GBP3: variants seen among roughly 807,000 people sequenced by gnomAD.
The protein encoded by GBP3 is guanylate binding protein 3.
In GBP3, 55 loss-of-function variants were observed where a neutral mutation model predicts 62.4. That is an observed-to-expected ratio of 0.88 (90% CI 0.71 to 1.10). The LOEUF is 1.10. Ranked by LOEUF, GBP3 falls within the 50% of genes least tolerant of loss-of-function variation. The pLI is 0.00. For synonymous variants in GBP3, 208 were observed against 259.2 expected, an observed-to-expected ratio of 0.80 and a Z score of 1.90; for missense variants, 605 against 690.6, an observed-to-expected ratio of 0.88 and a Z score of 1.39.
chr1:89,014,194 A>G lies in GBP3; in HGVS notation c.514T>C (p.Phe172Leu). 6.2e-7 allele frequency: 1 copy of G among 1,614,234 alleles called. No homozygotes were observed. Among genetic ancestry groups the G allele is most frequent in the Non-Finnish European group, 8.5e-7 (1 of 1,180,038 alleles). Residue 172 changes from phenylalanine (F) to leucine (L), a missense_variant, in exon 5 of 11, where the codon TTC (phenylalanine) becomes CTC (leucine). Around this residue, in one of 3 missense-constraint regions of GBP3, gnomAD observed 308 missense variants for 318.0 expected, o/e 0.97. Transcript: ENST00000370481. The part of the protein sequence containing the change: ...ENEDSADFVS[F>L]FPDFVWTLRD... ...AGTGTCCACACAAAATCTGGGAAGAAGCTCACAAAGTCAGCTGAATCCTCA... is the reference window on the plus strand; with the variant it reads ...AGTGTCCACACAAAATCTGGGAAGAGGCTCACAAAGTCAGCTGAATCCTCA...
chr1:89,015,326 T>A lies in GBP3; in HGVS notation c.279A>T (p.Leu93Phe), dbSNP rs745962756. 1.2e-6 allele frequency: 2 copies of A among 1,613,540 alleles called. No individual in the cohort carries two copies. Among genetic ancestry groups the A allele is most frequent in the Non-Finnish European group, 1.7e-6 (2 of 1,179,748 alleles). Residue 93 changes from leucine to phenylalanine, a missense_variant, in exon 3 of 11, where the codon TTA (leucine) becomes TTT (phenylalanine). This residue lies in a region of GBP3 where 308 missense variants were observed against 318.0 expected (regional missense o/e 0.97). Coordinates refer to ENST00000370481, the MANE Select transcript of GBP3 (RefSeq NM_018284.3). ...VPHPKKPEHT[L>F]VLLDTEGLGD... ...CCAGGCCCTCAGTGTCAAGCAGGAC[T>A]AAGGTGTGTTCTGGCTTTTTGGGGT... is the stretch of plus-strand genomic sequence containing the variant.
intron 1 of GBP3, among the ~76,000 whole-genome samples, chr1:89,022,362 C>T (rs1679291088): frequency 6.6e-6 from 1 of 152,166 alleles, no homozygotes; most frequent in Non-Finnish European, 1.5e-5. Flanking sequence ...TAATCATGTC[C>T]CTAGTCAACA....
At chr1:89,016,636 G>A (rs1346326708) in intron 2 of GBP3, among the ~76,000 whole-genome samples, 2 of 151,926 alleles carry the variant, frequency 1.3e-5, no homozygotes, top group African/African-American at 2.4e-5. Context: ...AGGCTAGACT[G>A]TGATCACTGA....
chr1:89,014,056 C>T (rs377188594), intron 5 of GBP3, 27 bp downstream of exon 5: 398 of 1,606,056 alleles, frequency 2.5e-4, no homozygotes, highest in Non-Finnish European at 3.2e-4. Context: ...TTGTCGTCCT[C>T]ATTTATCAAT....
intron 2 of GBP3, among the ~76,000 whole-genome samples, chr1:89,017,010 A>T (rs1678922449): frequency 6.6e-6 from 1 of 152,202 alleles, no homozygotes; most frequent in Non-Finnish European, 1.5e-5. Flanking sequence ...AAATATCCAC[A>T]CTAACTTTCA....
chr1:89,021,510 G>GCGCGCGCGCGCGCGCGCACACACA (rs751639388), intron 1 of GBP3, among the ~76,000 whole-genome samples: 7 of 131,662 alleles, frequency 5.3e-5, no homozygotes, highest in African/African-American at 2.1e-4. Context: ...GCGCGCGCGC[G>GCGCGCGCGCGCGCGCGCACACACA]CACACACACA....
chr1:89,012,741 T>C lies in GBP3; in HGVS notation c.868+444A>G, dbSNP rs926110306. 2.9e-5 allele frequency among the ~76,000 whole-genome samples: 4 copies of C among 137,938 alleles called. 1 individual carries two copies. In the South Asian group the frequency reaches 7.3e-4, roughly 25 times the overall value. 90.5% of individuals were successfully genotyped at this position (137,938 alleles called of 152,430 possible). ...TTCCTATCTTTTCCCACCAAGAAGG[T>C]TGACCAACAAAATCTATTAGAAATG... On this transcript the variant is annotated intron_variant, in intron 6 of 10. Transcript: ENST00000370481.
chr1:89,009,944 C>G (rs1000733588), intron 8 of GBP3, among the ~76,000 whole-genome samples: 1 of 152,012 alleles, frequency 6.6e-6, no homozygotes, highest in Non-Finnish European at 1.5e-5. Flanking sequence ...TCCTTTAAAT[C>G]CAGTTTGAAA....
intron 8 of GBP3, among the ~76,000 whole-genome samples, chr1:89,010,216 G>T (rs1028166494): frequency 2.7e-5 from 4 of 150,378 alleles, no homozygotes; most frequent in African/African-American, 9.7e-5. Flanking sequence ...CCGCCTCCTG[G>T]GTTCAAGTGA....
chr1:89,013,132 C>T (rs1336071080), intron 6 of GBP3, 53 bp downstream of exon 6: 1 of 1,582,380 alleles, frequency 6.3e-7, no homozygotes, highest in Non-Finnish European at 8.6e-7. Flanking sequence ...ACCATCATGC[C>T]TGGCCATCCT....
In GBP3 at chr1:89,009,230, A is replaced by G. The variant is rs996777882; in HGVS notation, c.1466-90T>C. The G allele has an allele frequency of 2.1e-6, 3 of 1,417,298 alleles. No individual in the cohort carries two copies. In the African/African-American group the frequency reaches 4.3e-5, roughly 20 times the overall value. 87.8% of individuals were successfully genotyped at this position (1,417,298 alleles called of 1,614,324 possible). ...ACCCTCCATTGTTGCTGCTGACTGC[A>G]TATGCCCTACTCAGAGATGACCTCA... On this transcript the variant is annotated intron_variant, in intron 9 of 10. Transcript: ENST00000370481.
At chr1:89,011,271 C>G (rs1678557300) in intron 7 of GBP3, among the ~76,000 whole-genome samples, 155 bp from the exon 8 acceptor site, 1 of 139,724 alleles carries the variant, frequency 7.2e-6, no homozygotes, top group South Asian at 2.3e-4. Flanking sequence ...CCTGACCCCA[C>G]TTTCTACTGA....
Position 89,013,211 on chromosome 1 carries a change from G to GA in GBP3, c.841dup (p.Ser281PhefsTer54), listed in dbSNP as rs760256930. 4.3e-6 allele frequency: 7 copies of GA among 1,614,116 alleles called. No homozygotes were observed. In the South Asian group the frequency reaches 7.7e-5, roughly 18 times the overall value. ...AGGCCCATTGACCTTGATGCCTCCT[G>GA]AAAGAGTTTTAGTTTTGGAATTGCT... On this transcript the variant is annotated frameshift_variant, in exon 6 of 11. Coordinates refer to ENST00000370481, the MANE Select transcript of GBP3 (RefSeq NM_018284.3). LOFTEE classifies it high-confidence loss of function.
intron 9 of GBP3, 100 bp from the exon 10 acceptor site, chr1:89,009,240 C>A (rs1678416209): frequency 1.4e-6 from 2 of 1,389,432 alleles, no homozygotes. Flanking sequence ...ATATGCCCTA[C>A]TCAGAGATGA....
chr1:89,012,545 A>C (rs975596859), intron 6 of GBP3, among the ~76,000 whole-genome samples: 1 of 136,546 alleles, frequency 7.3e-6, no homozygotes, highest in African/African-American at 2.5e-5. Flanking sequence ...AGTACATGTA[A>C]ATATAAGCCT....
chr1:89,014,110 G>C lies in GBP3; in HGVS notation c.598C>G (p.Leu200Val), dbSNP rs1435199280. 37 of 1,614,062 alleles carry C rather than the reference G, an allele frequency of 2.3e-5. No individual in the cohort carries two copies. The highest frequency in any genetic ancestry group is 3.0e-5 in the Non-Finnish European group (35 of 1,180,022). Residue 200 changes from leucine to valine, a missense_variant, in exon 5 of 11, where the codon CTG becomes GTG. Leu to Val is a conservative substitution (Grantham distance 32). Transcript: ENST00000370481. ...TGCGTTAGCTTCAGGGAATACTCCAGGTACTCATCTGGTGTGAGGGGTTGT... is the reference window on the plus strand; with the variant it reads ...TGCGTTAGCTTCAGGGAATACTCCACGTACTCATCTGGTGTGAGGGGTTGT... The part of the protein sequence containing the change: ...DGQPLTPDEY[L>V]EYSLKLTQGT...
chr1:89,020,204 A>C (rs1679103090), intron 2 of GBP3: 1 of 410,768 alleles, frequency 2.4e-6, no homozygotes, highest in African/African-American at 2.1e-5. Context: ...TTGCCACTGT[A>C]CTCCAGCCTG....
chr1:89,013,357 T>A lies in GBP3; in HGVS notation c.696A>T (p.Lys232Asn), dbSNP rs773453860. 4 of 1,614,170 alleles carry A rather than the reference T, an allele frequency of 2.5e-6. No individual in the cohort carries two copies. The Middle Eastern group carries it at 4.9e-4, about 200-fold the overall frequency. The change falls in exon 6 of 11, where the codon AAA becomes AAT. Residue 232 changes from lysine (K) to asparagine (N), a missense_variant. Lys to Asn is a moderately conservative substitution (Grantham distance 94, BLOSUM62 0). Around this residue, in one of 3 missense-constraint regions of GBP3, gnomAD observed 308 missense variants for 318.0 expected, o/e 0.97. Coordinates refer to ENST00000370481, the MANE Select transcript of GBP3 (RefSeq NM_018284.3). The part of the protein sequence containing the change: ...LCIRKFFPKK[K>N]CFVFDLPIHR... Reference sequence around the variant, plus strand: ...GAATGGGCAGATCGAAGACAAAACATTTTTTCTTTGGGAAGAACTTCCGGA... The same window carrying A: ...GAATGGGCAGATCGAAGACAAAACAATTTTTCTTTGGGAAGAACTTCCGGA...
Position 89,014,576 on chromosome 1 carries a change from G to A in GBP3, c.399C>T (p.Thr133=), listed in dbSNP as rs889894541. Residue 133 remains threonine (T), a synonymous_variant, in exon 4 of 11, where the codon ACC becomes ACT. Transcript: ENST00000370481. The stretch of plus-strand genomic sequence containing the variant: ...GTTGGTCCATAGCCTGCTGGTTGAT[G>A]GTTCCCATGCTATTGTACACGAGAG... ...SSTLVYNSMG[T]INQQAMDQLY... is the part of the protein sequence containing the mutation. 6.2e-7 allele frequency: 1 copy of A among 1,613,994 alleles called. No individual in the cohort carries two copies. The highest frequency in any genetic ancestry group is 1.7e-5 in the Admixed American group (1 of 59,994).
Sources: allele counts gnomAD v4.1 joint callset (sites outside exome capture counted in the v4.1 genomes callset), GRCh38; gene constraint gnomAD v4.1.1; regional missense constraint gnomAD v4.1.1; transcripts MANE v1.5; gene names NCBI Gene and HGNC (gene_info 2026-07-23, HGNC 2026-07-21).